KCNIP4: variants seen among roughly 807,000 people sequenced by gnomAD.
KCNIP4 encodes the protein potassium voltage-gated channel interacting protein 4, also known as Kv channel-interacting protein 4.
In KCNIP4, 12 loss-of-function variants were observed where a neutral mutation model predicts 34.0. The ratio of observed to expected loss-of-function variants is 0.35; its 90% CI spans 0.23 to 0.57. The LOEUF is 0.57. Ranked by LOEUF, KCNIP4 falls within the 20% of genes least tolerant of loss-of-function variation. The pLI is 0.83. For missense variants in KCNIP4, 238 were observed against 311.7 expected, an observed-to-expected ratio of 0.76 and a Z score of 1.78; for synonymous variants, 124 against 102.2, an observed-to-expected ratio of 1.21 and a Z score of -1.29.
At chr4:20,914,654 G>C (rs1728636726) in intron 1 of KCNIP4, among the ~76,000 whole-genome samples, 1 of 152,148 alleles carries the variant, frequency 6.6e-6, no homozygotes, top group African/African-American at 2.4e-5. Context: ...TAGGCACTTA[G>C]AGATGTGTTG....
At chr4:20,828,209 C>T (rs1718003422) in intron 3 of KCNIP4, among the ~76,000 whole-genome samples, 1 of 151,994 alleles carries the variant, frequency 6.6e-6, no homozygotes, top group African/African-American at 2.4e-5. Context: ...CGGGTGGATC[C>T]CAAGGTCAGG....
At chr4:21,317,310 A>C (rs1713867695) in intron 1 of KCNIP4, among the ~76,000 whole-genome samples, 1 of 152,174 alleles carries the variant, frequency 6.6e-6, no homozygotes. Context: ...ATGAACATAG[A>C]AATCATTTTT....
In KCNIP4 at chr4:21,208,801, T is replaced by C. The variant is rs368956448; in HGVS notation, c.62-326092A>G. Reference sequence around the variant, plus strand: ...GGAAAGAGATTTAATGGACTCATAGTTCAGCATGGCTCAGGAGGCGTCAGG... The same window carrying C: ...GGAAAGAGATTTAATGGACTCATAGCTCAGCATGGCTCAGGAGGCGTCAGG... On this transcript the variant is annotated intron_variant, in intron 1 of 8. Coordinates refer to ENST00000382152, the MANE Select transcript of KCNIP4 (RefSeq NM_025221.6). Among the ~76,000 whole-genome samples, 169 of 152,284 alleles carry C rather than the reference T, an allele frequency of 1.1e-3. 4 individuals carry two copies. The South Asian group carries it at 0.034, about 31-fold the overall frequency.
At chr4:21,049,974 C>A (rs183758111) in intron 1 of KCNIP4, among the ~76,000 whole-genome samples, 1 of 152,280 alleles carries the variant, frequency 6.6e-6, no homozygotes, top group African/African-American at 2.4e-5. Context: ...ATATAACCAC[C>A]AATTCAGACA....
intron 1 of KCNIP4, among the ~76,000 whole-genome samples, chr4:21,375,733 A>AT (rs951039201): frequency 9.3e-5 from 14 of 151,298 alleles, no homozygotes; most frequent in East Asian, 2.0e-4. Context: ...CGCCCAGCTA[A>AT]TTTTTTTTGT....
intron 1 of KCNIP4, among the ~76,000 whole-genome samples, chr4:21,308,327 T>C (rs536591381): frequency 6.6e-6 from 1 of 152,342 alleles, no homozygotes; most frequent in South Asian, 2.1e-4. Context: ...TATTTCTAAA[T>C]GATACTTAAT....
At chr4:21,602,846 T>C (rs1743307616) in intron 1 of KCNIP4, among the ~76,000 whole-genome samples, 1 of 152,152 alleles carries the variant, frequency 6.6e-6, no homozygotes, top group Admixed American at 6.6e-5. Flanking sequence ...AAATCTCTTC[T>C]TAATTAAAGA....
chr4:21,331,596 T>A (rs549596295), intron 1 of KCNIP4, among the ~76,000 whole-genome samples: 1 of 152,238 alleles, frequency 6.6e-6, no homozygotes, highest in Admixed American at 6.5e-5. Context: ...TCAACAGATA[T>A]TTATTAAGTG....
At chr4:21,142,556 A>T (rs1419295175) in intron 1 of KCNIP4, among the ~76,000 whole-genome samples, 4 of 152,142 alleles carry the variant, frequency 2.6e-5, no homozygotes, top group Admixed American at 6.5e-5. Flanking sequence ...GTGATTTTCA[A>T]TCAGGGTTCC....
intron 1 of KCNIP4, among the ~76,000 whole-genome samples, chr4:21,205,011 A>G (rs1756747536): frequency 6.6e-6 from 1 of 152,250 alleles, no homozygotes; most frequent in South Asian, 2.1e-4. Flanking sequence ...GGGAGGTAAG[A>G]AAAGAAGGAA....
chr4:21,598,321 C>G (rs1054571598), intron 1 of KCNIP4, among the ~76,000 whole-genome samples: 9 of 152,064 alleles, frequency 5.9e-5, no homozygotes, highest in African/African-American at 1.9e-4. Flanking sequence ...AACTCTTAGT[C>G]TTTGCCAGGC....
At chr4:20,787,056 C>T (rs555164742) in intron 3 of KCNIP4, among the ~76,000 whole-genome samples, 4 of 152,260 alleles carry the variant, frequency 2.6e-5, no homozygotes, top group Middle Eastern at 6.8e-3. Context: ...TGCTTAGAAA[C>T]TCAACGTGGA....
At chr4:20,991,129 A>T (rs1737045548) in intron 1 of KCNIP4, among the ~76,000 whole-genome samples, 1 of 152,226 alleles carries the variant, frequency 6.6e-6, no homozygotes, top group Non-Finnish European at 1.5e-5. Flanking sequence ...AAGAATTCTC[A>T]CTCAAGAGCC....
chr4:21,567,937 G>A (rs937959088), intron 1 of KCNIP4, among the ~76,000 whole-genome samples: 2 of 152,062 alleles, frequency 1.3e-5, no homozygotes, highest in Non-Finnish European at 2.9e-5. Flanking sequence ...CGCAGAAGGG[G>A]AGCCAGAACA....
intron 1 of KCNIP4, among the ~76,000 whole-genome samples, chr4:21,674,815 T>G (rs1378861422): frequency 6.6e-6 from 1 of 152,180 alleles, no homozygotes; most frequent in Non-Finnish European, 1.5e-5. Context: ...CTAGTATTCC[T>G]GTGTGAGTTT....
chr4:21,010,684 G>A (rs1226127037), intron 1 of KCNIP4, among the ~76,000 whole-genome samples: 2 of 152,142 alleles, frequency 1.3e-5, no homozygotes, highest in African/African-American at 4.8e-5. Context: ...CTTGTCTTGA[G>A]ACCAATTACA....
intron 1 of KCNIP4, among the ~76,000 whole-genome samples, chr4:21,144,761 C>G (rs1752229490): frequency 6.6e-6 from 1 of 152,170 alleles, no homozygotes; most frequent in Admixed American, 6.5e-5. Flanking sequence ...AACTTAGAGC[C>G]ATTTTTGTCC....
chr4:20,979,076 C>T (rs185739106), intron 1 of KCNIP4, among the ~76,000 whole-genome samples: 1 of 152,244 alleles, frequency 6.6e-6, no homozygotes, highest in African/African-American at 2.4e-5. Context: ...TGTAAGATAG[C>T]GGATTAATCT....
chr4:21,477,777 G>A (rs896350777), intron 1 of KCNIP4, among the ~76,000 whole-genome samples: 7 of 152,148 alleles, frequency 4.6e-5, no homozygotes, highest in Admixed American at 2.0e-4. Context: ...GCAAAAGCAA[G>A]TCCCATTGGG....
Sources: gnomAD v4.1 joint callset for allele counts (sites outside exome capture counted in the v4.1 genomes callset) on GRCh38, gnomAD v4.1.1 for gene constraint, MANE v1.5 for transcripts, NCBI Gene and HGNC (gene_info 2026-07-23, HGNC 2026-07-21) for gene names.